The following VWA2 variants were observed in gnomAD, a reference collection of about 807,000 sequenced individuals.
VWA2 encodes the protein von Willebrand factor A domain-containing protein 2.
VWA2 carries 73 observed loss-of-function variants against 70.4 expected under a neutral mutation model. The ratio of observed to expected loss-of-function variants is 1.04; its 90% confidence interval spans 0.86 to 1.26. VWA2 has a LOEUF of 1.26. Ranked by LOEUF, VWA2 falls within the 50% of genes most tolerant of loss-of-function variation. The pLI, the probability that VWA2 is intolerant of heterozygous loss-of-function variation, is 0.00. For missense variants in VWA2, 1,011 were observed against 998.5 expected (o/e 1.01, Z -0.17); for synonymous variants, 407 against 423.3 (o/e 0.96, Z 0.47).
At chr10:114,268,596 G>A (rs780247712) in intron 5 of VWA2, among the ~76,000 whole-genome samples, 1 of 152,202 alleles carries the variant, frequency 6.6e-6, no homozygotes, top group Non-Finnish European at 1.5e-5. Flanking sequence ...TCTGAGTGGG[G>A]TTTCCTCGTT....
Position 114,290,351 on chromosome 10 carries a change from C to T in VWA2, c.2234C>T (p.Pro745Leu), listed in dbSNP as rs967252829. The T allele has an allele frequency of 6.4e-7, 1 of 1,550,530 alleles. No individual in the cohort carries two copies. The highest frequency in any genetic ancestry group is 8.7e-7 in the Non-Finnish European group (1 of 1,146,966). The change falls in exon 13 of 14, where the codon CCC becomes CTC. Residue 745 changes from proline to leucine, a missense_variant. Pro to Leu is a moderately conservative substitution (Grantham distance 98). Transcript: ENST00000392982. ...RCKCRDGWEG[P>L]HCENRFLRRP ...AAGTGTCGGGATGGCTGGGAGGGCC[C>T]CCACTGCGAGAACCGTGAGTGGAGC...
At chr10:114,239,806 C>T (rs1237428193) in intron 1 of VWA2, among the ~76,000 whole-genome samples, 7 of 152,182 alleles carry the variant, frequency 4.6e-5, no homozygotes, top group African/African-American at 1.7e-4. Context: ...CGCGCGCCTC[C>T]CTCGTGGCCA....
chr10:114,264,055 G>A (rs1309275366), intron 5 of VWA2, among the ~76,000 whole-genome samples: 1 of 152,188 alleles, frequency 6.6e-6, no homozygotes, highest in Non-Finnish European at 1.5e-5. Flanking sequence ...ATTGCTTGTG[G>A]GATTTGTAAG....
At chr10:114,255,100 G>A (rs781233781) in intron 4 of VWA2, 52 bp downstream of exon 4, 3 of 1,598,198 alleles carry the variant, frequency 1.9e-6, no homozygotes, top group Non-Finnish European at 2.6e-6. Context: ...TGTGATAAGG[G>A]ACAGAAACCC....
At position 114,286,203 on chromosome 10, in the gene VWA2, T is replaced by G. The variant is rs746613561; in HGVS notation, c.1262T>G (p.Leu421Arg). 119 of 1,613,856 alleles carry G rather than the reference T, an allele frequency of 7.4e-5. No individual in the cohort carries two copies. Among genetic ancestry groups the G allele is most frequent in the Non-Finnish European group, 9.9e-5 (117 of 1,179,996 alleles). The change falls in exon 11 of 14, where the codon CTG becomes CGG. Residue 421 changes from leucine to arginine, a missense_variant. Coordinates refer to ENST00000392982, the MANE Select transcript of VWA2 (RefSeq NM_001272046.2). ...DGIPFRGGPT[L>R]TGSALRQAAE... ...ATTCCCTTCCGTGGTGGCCCCACCC[T>G]GACGGGCAGTGCCTTGCGGCAGGCG... is the stretch of plus-strand genomic sequence containing the variant.
rs758620089 is a variant in VWA2 at position 114,286,186 on chromosome 10, C to T, written c.1245C>T (p.Phe415=). The change falls in exon 11 of 14, where the codon TTC becomes TTT. Residue 415 remains phenylalanine, a synonymous_variant. Coordinates refer to ENST00000392982, the MANE Select transcript of VWA2 (RefSeq NM_001272046.2). The part of the protein sequence containing the change: ...DLVWSLDGIP[F]RGGPTLTGSA... ...TCTGGAGCCTCGATGGCATTCCCTT[C>T]CGTGGTGGCCCCACCCTGACGGGCA... The T allele has an allele frequency of 1.2e-6, 2 of 1,613,926 alleles. No homozygotes were observed. The highest frequency in any genetic ancestry group is 1.3e-5 in the African/African-American group (1 of 74,940).
chr10:114,272,782 G>A lies in VWA2; in HGVS notation c.414G>A (p.Leu138=). Residue 138 remains leucine, a synonymous_variant, in exon 6 of 14, where the codon CTG becomes CTA. Transcript: ENST00000392982. ...TETELALKYL[L]HRGLPGGRNA... ...CGGAACTTGCTCTGAAATACCTTCT[G>A]CACAGAGGGTTGCCTGGAGGCAGAA... 1 of 1,613,720 alleles carries A rather than the reference G, an allele frequency of 6.2e-7. No homozygotes were observed. The highest frequency in any genetic ancestry group is 8.5e-7 in the Non-Finnish European group (1 of 1,179,830).
intron 6 of VWA2, 140 bp from the exon 7 acceptor site, chr10:114,277,774 T>G: frequency 2.7e-6 from 3 of 1,118,276 alleles, no homozygotes; most frequent in Non-Finnish European, 3.6e-6. Flanking sequence ...CGGTTAACTG[T>G]TTTCCTCACC....
chr10:114,289,677 C>T, intron 12 of VWA2, 188 bp downstream of exon 12: 3 of 640,564 alleles, frequency 4.7e-6, no homozygotes, highest in Non-Finnish European at 8.1e-6. Context: ...TCCTATTTGA[C>T]ATTTAAGGTA....
chr10:114,256,572 T>A (rs1024459967), intron 4 of VWA2, among the ~76,000 whole-genome samples: 9 of 152,088 alleles, frequency 5.9e-5, no homozygotes, highest in Admixed American at 5.9e-4. Flanking sequence ...GACTTAAATA[T>A]TTTCTGGATT....
At chr10:114,290,409 T>C (rs1442589245) in intron 13 of VWA2, 44 bp downstream of exon 13, 4 of 1,544,736 alleles carry the variant, frequency 2.6e-6, no homozygotes, top group Admixed American at 2.0e-5. Flanking sequence ...AGGGATGGTA[T>C]TGCGAGTCCT....
chr10:114,249,187 C>T (rs1180000523), intron 2 of VWA2, among the ~76,000 whole-genome samples: 1 of 152,050 alleles, frequency 6.6e-6, no homozygotes, highest in African/African-American at 2.4e-5. Flanking sequence ...CCCCACCACT[C>T]GACAGGCCCC....
At chr10:114,255,592 G>C (rs147686201) in intron 4 of VWA2, among the ~76,000 whole-genome samples, 1 of 152,324 alleles carries the variant, frequency 6.6e-6, no homozygotes, top group East Asian at 1.9e-4. Context: ...ATGCTAAGCA[G>C]ACTAAAGCTG....
At chr10:114,250,201 G>A (rs1010964537) in intron 2 of VWA2, among the ~76,000 whole-genome samples, 14 of 152,170 alleles carry the variant, frequency 9.2e-5, no homozygotes, top group African/African-American at 2.9e-4. Context: ...TAAGATGTAA[G>A]GTCCTCAAGG....
intron 4 of VWA2, among the ~76,000 whole-genome samples, chr10:114,259,114 A>G (rs954399140): frequency 6.6e-6 from 1 of 152,252 alleles, no homozygotes; most frequent in African/African-American, 2.4e-5. Flanking sequence ...AATATTAAAA[A>G]ATTGCCTTCC....
chr10:114,263,561 T>A lies in VWA2; in HGVS notation c.371+2266T>A, dbSNP rs189241901. ...ACTGTGTTAGCCAGGATGGTCTTGATCTCCTGACCTTGTGATCTGCCCGCC... is the reference window on the plus strand; with the variant it reads ...ACTGTGTTAGCCAGGATGGTCTTGAACTCCTGACCTTGTGATCTGCCCGCC... On this transcript the variant is annotated intron_variant, in intron 5 of 13. Transcript: ENST00000392982. 3.0e-3 allele frequency among the ~76,000 whole-genome samples: 453 copies of A among 151,778 alleles called. 9 individuals are homozygous for A. Among genetic ancestry groups the A allele is most frequent in the Admixed American group, 0.022 (328 of 15,210 alleles).
chr10:114,279,770 G>T (rs116662745), intron 8 of VWA2, among the ~76,000 whole-genome samples: 315 of 152,324 alleles, frequency 2.1e-3, no homozygotes, highest in African/African-American at 7.1e-3. Flanking sequence ...AGACAGTACA[G>T]TTGCTGCCCC....
chr10:114,269,140 A>T (rs1009791357), intron 5 of VWA2, among the ~76,000 whole-genome samples: 5 of 152,218 alleles, frequency 3.3e-5, no homozygotes, highest in African/African-American at 1.2e-4. Context: ...AGAGGGTGAC[A>T]GCATTGGTAT....
rs2038679688 is a variant in VWA2, at chr10:114,284,977, A to C, written c.997+7A>C. 1.3e-6 allele frequency: 2 copies of C among 1,585,770 alleles called. No homozygotes were observed. Among genetic ancestry groups the C allele is most frequent in the South Asian group, 2.3e-5 (2 of 86,528 alleles). On this transcript the variant is annotated splice_region_variant and intron_variant, in intron 10 of 13. Transcript: ENST00000392982. Reference sequence around the variant, plus strand: ...GGAGGGGAGGCTAACTGTGGTAGGTATGCACCGGCCCTGCAAGACTGACCA... The same window carrying C: ...GGAGGGGAGGCTAACTGTGGTAGGTCTGCACCGGCCCTGCAAGACTGACCA...
Sources: gnomAD v4.1 joint callset for allele counts (sites outside exome capture counted in the v4.1 genomes callset) on GRCh38, gnomAD v4.1.1 for gene constraint, MANE v1.5 for transcripts, NCBI Gene and HGNC (gene_info 2026-07-23, HGNC 2026-07-21) for gene names.